ATXN7: variants seen among roughly 807,000 people sequenced by gnomAD.
The protein encoded by ATXN7 is ataxin-7.
A neutral mutation model predicts 70.5 loss-of-function variants in ATXN7; 12 were observed. The observed-to-expected ratio is 0.17, with a 90% confidence interval of 0.11 to 0.28. The LOEUF is 0.28. ATXN7 is among the 10% of genes least tolerant of loss of function. The probability of loss-of-function intolerance (pLI) is 1.00; values close to 1 mark genes in which losing one functional copy is unlikely to be tolerated. For missense variants in ATXN7, 1,256 were observed against 1,131.7 expected (o/e 1.11, Z -1.58); for synonymous variants, 498 against 448.7 (o/e 1.11, Z -1.39).
chr3:63,896,259 C>A (rs1026276377), intron 1 of ATXN7, among the ~76,000 whole-genome samples: 8 of 126,078 alleles, frequency 6.3e-5, no homozygotes, highest in African/African-American at 2.0e-4. Context: ...TTCTCTCCCA[C>A]TGCTAACTGG....
intron 4 of ATXN7, among the ~76,000 whole-genome samples, chr3:63,931,500 G>C (rs1406343655): frequency 1.3e-5 from 2 of 152,148 alleles, no homozygotes; most frequent in Non-Finnish European, 2.9e-5. Context: ...AGGACACTTC[G>C]GGACTTTCTC....
chr3:63,885,489 G>T (rs1703060002), intron 1 of ATXN7, among the ~76,000 whole-genome samples: 1 of 152,286 alleles, frequency 6.6e-6, no homozygotes, highest in Admixed American at 6.5e-5. Flanking sequence ...TACATTGGTA[G>T]TGGGGATGTA....
At chr3:63,945,596 T>C (rs1429398718) in intron 4 of ATXN7, among the ~76,000 whole-genome samples, 2 of 152,240 alleles carry the variant, frequency 1.3e-5, no homozygotes, top group Non-Finnish European at 2.9e-5. Context: ...TCAATTATTA[T>C]TCATCAAGTA....
chr3:63,992,905 G>A (rs141604379), intron 11 of ATXN7, among the ~76,000 whole-genome samples: 2 of 152,288 alleles, frequency 1.3e-5, no homozygotes, highest in Non-Finnish European at 2.9e-5. Flanking sequence ...TTTCTCTGGG[G>A]AGCTCAGCAC....
At chr3:63,909,810 G>A (rs115865879) in intron 2 of ATXN7, among the ~76,000 whole-genome samples, 1,828 of 152,278 alleles carry the variant, frequency 0.012, 15 homozygotes, top group Middle Eastern at 0.031. Flanking sequence ...GGAAATGCCC[G>A]TCAATCTCTT....
chr3:63,882,170 T>C (rs1308905621), intron 1 of ATXN7, among the ~76,000 whole-genome samples: 2 of 152,152 alleles, frequency 1.3e-5, no homozygotes, highest in Non-Finnish European at 2.9e-5. Context: ...CTGTTTTCCT[T>C]TGGGGACAGA....
At chr3:63,967,343 T>C (rs910285978) in intron 5 of ATXN7, among the ~76,000 whole-genome samples, 8 of 152,234 alleles carry the variant, frequency 5.3e-5, no homozygotes, top group African/African-American at 1.9e-4. Flanking sequence ...TCAGATATTT[T>C]GTTACTAGAT....
chr3:63,926,469 G>A (rs1049772473), intron 4 of ATXN7, among the ~76,000 whole-genome samples: 8 of 152,332 alleles, frequency 5.3e-5, no homozygotes, highest in African/African-American at 1.9e-4. Flanking sequence ...TCTGGTTGGA[G>A]AAGACCTGGT....
intron 5 of ATXN7, among the ~76,000 whole-genome samples, chr3:63,962,293 C>T (rs1428157660): frequency 1.3e-5 from 2 of 152,066 alleles, no homozygotes; most frequent in East Asian, 3.9e-4. Flanking sequence ...CCCCTGATCA[C>T]ACAATATAGA....
At chr3:63,872,702 C>T (rs1044489275) in intron 1 of ATXN7, among the ~76,000 whole-genome samples, 6 of 152,228 alleles carry the variant, frequency 3.9e-5, no homozygotes, top group African/African-American at 1.4e-4. Flanking sequence ...GGAATTGTTG[C>T]AGCCATCAAC....
At chr3:63,984,517 T>G (rs925174565) in intron 8 of ATXN7, among the ~76,000 whole-genome samples, 4 of 152,120 alleles carry the variant, frequency 2.6e-5, no homozygotes, top group Non-Finnish European at 5.9e-5. Flanking sequence ...TGATCACAAC[T>G]TGCCATTCTC....
At chr3:63,931,309 G>GCC (rs111996499) in intron 4 of ATXN7, among the ~76,000 whole-genome samples, 5 of 151,412 alleles carry the variant, frequency 3.3e-5, no homozygotes, top group African/African-American at 1.2e-4. Context: ...GTAAACACCC[G>GCC]CCCCCCCAAA....
chr3:63,883,394 T>C (rs1278352275), intron 1 of ATXN7, among the ~76,000 whole-genome samples: 2 of 152,172 alleles, frequency 1.3e-5, no homozygotes, highest in Non-Finnish European at 2.9e-5. Context: ...AGGTGAAGAA[T>C]TGTCCAGTGT....
chr3:63,947,962 G>A (rs558578927), intron 4 of ATXN7, among the ~76,000 whole-genome samples: 1 of 152,300 alleles, frequency 6.6e-6, no homozygotes, highest in Admixed American at 6.5e-5. Context: ...TATCTGGCAG[G>A]ACCTTGGGAG....
At chr3:63,885,656 A>G (rs899904181) in intron 1 of ATXN7, among the ~76,000 whole-genome samples, 4 of 152,232 alleles carry the variant, frequency 2.6e-5, no homozygotes, top group Admixed American at 2.6e-4. Context: ...TCATTGCAGC[A>G]TTATTCACAA....
chr3:63,903,280 C>T (rs1004612092), intron 2 of ATXN7, among the ~76,000 whole-genome samples: 38 of 149,486 alleles, frequency 2.5e-4, no homozygotes, highest in African/African-American at 7.9e-4. Flanking sequence ...CCACCTACCC[C>T]GGAGGCTGAG....
intron 4 of ATXN7, among the ~76,000 whole-genome samples, chr3:63,938,103 G>A (rs1355182342): frequency 2.0e-5 from 3 of 152,180 alleles, no homozygotes; most frequent in African/African-American, 7.2e-5. Flanking sequence ...AGCTGGTCAG[G>A]GTGTTAGCTG....
At chr3:63,898,128 A>G (rs879566198) in intron 1 of ATXN7, among the ~76,000 whole-genome samples, 2 of 152,200 alleles carry the variant, frequency 1.3e-5, no homozygotes, top group Non-Finnish European at 2.9e-5. Flanking sequence ...AATTATATAC[A>G]ATGATTTTAA....
At position 63,956,532 on chromosome 3, in the gene ATXN7, A is replaced by G. The variant is rs184134161; in HGVS notation, c.499+4049A>G. Among the ~76,000 whole-genome samples the G allele has an allele frequency of 1.9e-4, 29 of 152,232 alleles. 1 individual carries two copies. Among genetic ancestry groups the G allele is most frequent in the Middle Eastern group, 6.8e-3 (2 of 294 alleles). On this transcript the variant is annotated intron_variant, in intron 5 of 12. Coordinates refer to ENST00000674280, the MANE Select transcript of ATXN7 (RefSeq NM_001377405.1). ...CCAAACCTGCTGTGCATCTGAATCA[A>G]AGAGGAGCTTTCTAAGTGAGCAGCT...
Sources: allele counts gnomAD v4.1 joint callset (sites outside exome capture counted in the v4.1 genomes callset), GRCh38; gene constraint gnomAD v4.1.1; transcripts MANE v1.5; gene names NCBI Gene and HGNC (gene_info 2026-07-23, HGNC 2026-07-21).